The following CDH13 variants were observed in gnomAD, a reference collection of about 807,000 sequenced individuals.
The protein encoded by CDH13 is cadherin-13.
CDH13 carries 24 observed loss-of-function variants against 63.8 expected under a neutral mutation model. That is an observed-to-expected ratio of 0.38 (90% CI 0.27 to 0.53). The LOEUF is 0.53. CDH13 is among the 20% of genes least tolerant of loss of function. The probability of loss-of-function intolerance (pLI) is 0.85; values close to 1 mark genes in which losing one functional copy is unlikely to be tolerated. For synonymous variants in CDH13, 503 were observed against 355.3 expected (o/e 1.42, Z -4.67); for missense variants, 1,049 against 903.1 (o/e 1.16, Z -2.07).
chr16:83,315,000 TCCAC>T (rs1480992732), intron 5 of CDH13, among the ~76,000 whole-genome samples: 2 of 152,150 alleles, frequency 1.3e-5, no homozygotes, highest in African/African-American at 4.8e-5. Flanking sequence ...GAATCCTGGC[TCCAC>T]CCTGTGTGAC....
Position 82,892,422 on chromosome 16 carries a change from G to C in CDH13, c.157+33949G>C, listed in dbSNP as rs551440474. Among the ~76,000 whole-genome samples the C allele has an allele frequency of 1.5e-3, 228 of 152,280 alleles. 2 individuals are homozygous for C. The highest frequency in any genetic ancestry group is 5.2e-3 in the African/African-American group (215 of 41,558). The stretch of plus-strand genomic sequence containing the variant: ...GTCAAATCCACTTTTCATGGACAAA[G>C]ATTTTCCTTCATAAGTGTTATTCAA... On this transcript the variant is annotated intron_variant, in intron 2 of 13. Transcript: ENST00000567109.
chr16:83,012,638 CAA>C (rs1317079475), intron 2 of CDH13, among the ~76,000 whole-genome samples: 1 of 152,064 alleles, frequency 6.6e-6, no homozygotes, highest in African/African-American at 2.4e-5. Flanking sequence ...ACCTTGAAGA[CAA>C]ACAGTTTTGC....
At chr16:82,683,000 A>C (rs906216953) in intron 1 of CDH13, among the ~76,000 whole-genome samples, 1 of 152,214 alleles carries the variant, frequency 6.6e-6, no homozygotes, top group Admixed American at 6.5e-5. Flanking sequence ...CTCGGGTTCA[A>C]GTTCCAGCCC....
In CDH13 at chr16:83,500,328, TCCTCCTCCTCCTCC is replaced by T. The variant is rs2074247452; in HGVS notation, c.960+13674_960+13687del. Among the ~76,000 whole-genome samples the T allele has an allele frequency of 5.0e-3, 5 of 998 alleles. 2 individuals are homozygous for T. Among genetic ancestry groups the T allele is most frequent in the African/African-American group, 5.7e-3 (5 of 876 alleles). The allele number at this position is 998 out of a possible 152,430, so 0.7% of individuals were successfully genotyped here. ...CTTCTCCTTCTCCTTCTCCTCCTCCTCCTCCTCCTCCTCCTCCTCCTCCTCCTTCTTCCTTCTTC... is the reference window on the plus strand; with the variant it reads ...CTTCTCCTTCTCCTTCTCCTCCTCCTTCCTCCTCCTCCTTCTTCCTTCTTC... On this transcript the variant is annotated intron_variant, in intron 7 of 13. Coordinates refer to ENST00000567109, the MANE Select transcript of CDH13 (RefSeq NM_001257.5).
intron 2 of CDH13, among the ~76,000 whole-genome samples, chr16:82,881,249 C>T (rs2040691582): frequency 6.6e-6 from 1 of 152,090 alleles, no homozygotes; most frequent in African/African-American, 2.4e-5. Flanking sequence ...TTCAAGCTCC[C>T]ATTTGGATGC....
chr16:83,271,422 T>TAAAAAAGAAA (rs2088807123), intron 5 of CDH13, among the ~76,000 whole-genome samples: 2 of 26,004 alleles, frequency 7.7e-5, no homozygotes, highest in Non-Finnish European at 1.4e-4. Context: ...GCAGAGTTCA[T>TAAAAAAGAAA]AAAAAAAAAA....
intron 2 of CDH13, among the ~76,000 whole-genome samples, chr16:83,024,066 C>T (rs1168856009): frequency 2.6e-5 from 4 of 152,050 alleles, no homozygotes; most frequent in Admixed American, 2.6e-4. Context: ...ATTTGGATAT[C>T]ATAGCCTTCC....
intron 2 of CDH13, among the ~76,000 whole-genome samples, chr16:82,883,773 A>G (rs1303682031): frequency 6.6e-6 from 1 of 152,202 alleles, no homozygotes; most frequent in South Asian, 2.1e-4. Context: ...GAGGCATTTC[A>G]TGGTCTTCCC....
intron 10 of CDH13, among the ~76,000 whole-genome samples, chr16:83,734,457 T>A (rs1260637410): frequency 6.6e-6 from 1 of 151,952 alleles, no homozygotes; most frequent in Non-Finnish European, 1.5e-5. Context: ...TTGGAAATCA[T>A]CATTCTCAGT....
rs139568387 is a variant in CDH13, at chr16:82,711,651, C to G, written c.45+84514C>G. On this transcript the variant is annotated intron_variant, in intron 1 of 13. Transcript: ENST00000567109. The stretch of plus-strand genomic sequence containing the variant: ...GCTCTCTTGGGCTCCCCCACCTTGT[C>G]CAGGGGAAAGTCAGGACTGGGATCC... Among the ~76,000 whole-genome samples, 910 of 152,314 alleles carry G rather than the reference C, an allele frequency of 6.0e-3. 4 individuals are homozygous for G. Among genetic ancestry groups the G allele is most frequent in the African/African-American group, 0.018 (746 of 41,564 alleles).
chr16:83,028,771 A>G (rs1916045925), intron 2 of CDH13, among the ~76,000 whole-genome samples: 1 of 152,222 alleles, frequency 6.6e-6, no homozygotes, highest in East Asian at 1.9e-4. Flanking sequence ...GGAATTTCCC[A>G]TTTAATATTT....
intron 1 of CDH13, among the ~76,000 whole-genome samples, chr16:82,838,052 C>T (rs577570084): frequency 6.6e-6 from 1 of 152,332 alleles, no homozygotes; most frequent in South Asian, 2.1e-4. Context: ...ACCAACCTGA[C>T]ATTCCTCCCA....
chr16:82,661,612 A>C (rs1156867170), intron 1 of CDH13, among the ~76,000 whole-genome samples: 1 of 152,142 alleles, frequency 6.6e-6, no homozygotes, highest in Non-Finnish European at 1.5e-5. Flanking sequence ...AGCCTGTGCA[A>C]CTCCAAAAGG....
chr16:83,112,662 T>A (rs1211606810), intron 3 of CDH13, among the ~76,000 whole-genome samples: 1 of 152,200 alleles, frequency 6.6e-6, no homozygotes, highest in Non-Finnish European at 1.5e-5. Flanking sequence ...TTTTGATTAT[T>A]TCTCTGCACT....
At chr16:82,677,855 C>T (rs1489214452) in intron 1 of CDH13, among the ~76,000 whole-genome samples, 2 of 152,126 alleles carry the variant, frequency 1.3e-5, no homozygotes, top group African/African-American at 2.4e-5. Flanking sequence ...CTTTAAGTTT[C>T]TAATCAAACT....
intron 6 of CDH13, among the ~76,000 whole-genome samples, chr16:83,449,523 C>G (rs1010252601): frequency 1.3e-5 from 2 of 152,182 alleles, no homozygotes; most frequent in Non-Finnish European, 2.9e-5. Flanking sequence ...CAAATTAATT[C>G]TCTCTTTTAG....
chr16:82,927,725 G>C (rs989777802), intron 2 of CDH13, among the ~76,000 whole-genome samples: 6 of 152,170 alleles, frequency 3.9e-5, no homozygotes, highest in Non-Finnish European at 7.3e-5. Flanking sequence ...GGTCGTGAGT[G>C]ATAACAGGTA....
At chr16:82,781,239 A>C (rs184114413) in intron 1 of CDH13, among the ~76,000 whole-genome samples, 1 of 152,226 alleles carries the variant, frequency 6.6e-6, no homozygotes, top group Non-Finnish European at 1.5e-5. Flanking sequence ...ACAGGGAAAC[A>C]TTATACCAAT....
At chr16:82,871,346 G>A (rs1005390308) in intron 2 of CDH13, among the ~76,000 whole-genome samples, 2 of 152,148 alleles carry the variant, frequency 1.3e-5, no homozygotes, top group Non-Finnish European at 2.9e-5. Flanking sequence ...CTGCCATGGA[G>A]CCATTTCAGA....
Sources: allele counts gnomAD v4.1 joint callset (sites outside exome capture counted in the v4.1 genomes callset), GRCh38; gene constraint gnomAD v4.1.1; transcripts MANE v1.5; gene names NCBI Gene and HGNC (gene_info 2026-07-23, HGNC 2026-07-21).